Variants in STK32A observed in about 807,000 individuals in gnomAD.
STK32A encodes the protein serine/threonine kinase 32A, also known as serine/threonine-protein kinase 32A.
STK32A carries 41 observed loss-of-function variants against 53.2 expected under a neutral mutation model. The observed-to-expected ratio is 0.77, with a 90% CI of 0.60 to 1.00. The LOEUF (loss-of-function observed/expected upper bound fraction) is 1.00. Ranked by LOEUF, STK32A falls within the 50% of genes least tolerant of loss-of-function variation. The probability of loss-of-function intolerance (pLI) is 0.00; values close to 1 mark genes in which losing one functional copy is unlikely to be tolerated. For missense variants in STK32A, 458 were observed against 485.8 expected, an observed-to-expected ratio of 0.94 and a Z score of 0.54; for synonymous variants, 166 against 162.8, an observed-to-expected ratio of 1.02 and a Z score of -0.15.
At chr5:147,354,283 T>C (rs1382199670) in intron 7 of STK32A, among the ~76,000 whole-genome samples, 1 of 152,184 alleles carries the variant, frequency 6.6e-6, no homozygotes, top group African/African-American at 2.4e-5. Flanking sequence ...ATGAGTTTAT[T>C]CTCCAGGTTT....
intron 6 of STK32A, among the ~76,000 whole-genome samples, chr5:147,345,708 G>A (rs1177649015): frequency 6.6e-6 from 1 of 152,094 alleles, no homozygotes; most frequent in Non-Finnish European, 1.5e-5. Flanking sequence ...TATTCTTGGT[G>A]GAGCTGGGGC....
chr5:147,379,766 A>G (rs1448961080), intron 11 of STK32A, among the ~76,000 whole-genome samples: 1 of 152,066 alleles, frequency 6.6e-6, no homozygotes, highest in Non-Finnish European at 1.5e-5. Context: ...AACCCCTTCC[A>G]ATATTTCAGA....
At chr5:147,285,951 C>T (rs577498751) in intron 4 of STK32A, among the ~76,000 whole-genome samples, 1 of 152,164 alleles carries the variant, frequency 6.6e-6, no homozygotes, top group East Asian at 1.9e-4. Flanking sequence ...GGTATCTACT[C>T]AGAGGAAAAT....
chr5:147,383,971 T>G lies in STK32A; in HGVS notation c.1179T>G (p.Asn393Lys), dbSNP rs777812519. The G allele has an allele frequency of 6.2e-7, 1 of 1,604,564 alleles. No homozygotes were observed. The highest frequency in any genetic ancestry group is 8.5e-7 in the Non-Finnish European group (1 of 1,177,100). ...ACCCACAAGGTGAGGATGGTCAGAA[T>G]AACAACTTGTAAAGGCCTCATGTCT... ...TKDPQGEDGQ[N>K]NNL Residue 393 changes from asparagine (N) to lysine (K), a missense_variant, in exon 13 of 13, where the codon AAT becomes AAG. Coordinates refer to ENST00000397936, the MANE Select transcript of STK32A (RefSeq NM_001112724.2).
chr5:147,298,086 G>A (rs970746618), intron 4 of STK32A, among the ~76,000 whole-genome samples: 36 of 151,804 alleles, frequency 2.4e-4, no homozygotes, highest in African/African-American at 8.7e-4. Flanking sequence ...TATAATCTCT[G>A]TAGTATCATT....
chr5:147,277,449 C>T (rs1206231967), intron 2 of STK32A, among the ~76,000 whole-genome samples: 1 of 152,138 alleles, frequency 6.6e-6, no homozygotes, highest in Non-Finnish European at 1.5e-5. Context: ...GGAGGATCGA[C>T]TCTACTTCAA....
chr5:147,285,185 GA>G (rs1222366315), intron 4 of STK32A, among the ~76,000 whole-genome samples: 1 of 151,912 alleles, frequency 6.6e-6, no homozygotes, highest in African/African-American at 2.4e-5. Context: ...TAAAGCAAAT[GA>G]AAACATAAAG....
intron 4 of STK32A, among the ~76,000 whole-genome samples, chr5:147,294,535 C>G (rs1752771308): frequency 6.6e-6 from 1 of 152,080 alleles, no homozygotes; most frequent in Non-Finnish European, 1.5e-5. Context: ...TTCCTTTCTC[C>G]CTTATCATTT....
At chr5:147,285,141 T>A (rs1382508881) in intron 4 of STK32A, among the ~76,000 whole-genome samples, 11 of 152,018 alleles carry the variant, frequency 7.2e-5, no homozygotes, top group African/African-American at 2.4e-4. Context: ...AACACAGAAA[T>A]AAACTCAAAT....
intron 5 of STK32A, among the ~76,000 whole-genome samples, chr5:147,338,336 A>G (rs981403183): frequency 1.3e-5 from 2 of 152,016 alleles, no homozygotes; most frequent in Non-Finnish European, 2.9e-5. Context: ...CTTCTCCATC[A>G]CCTTCTGCCA....
intron 4 of STK32A, among the ~76,000 whole-genome samples, chr5:147,309,672 A>G (rs1245129052): frequency 6.6e-6 from 1 of 152,218 alleles, no homozygotes; most frequent in African/African-American, 2.4e-5. Flanking sequence ...TATATATGCA[A>G]TGTCACTTTT....
chr5:147,268,490 TG>T (rs34598587), intron 2 of STK32A, among the ~76,000 whole-genome samples: 1 of 152,180 alleles, frequency 6.6e-6, no homozygotes, highest in Non-Finnish European at 1.5e-5. Flanking sequence ...AGAAGGATAT[TG>T]GGGATGCCTG....
At chr5:147,299,173 G>GT (rs749591273) in intron 4 of STK32A, among the ~76,000 whole-genome samples, 17 of 152,216 alleles carry the variant, frequency 1.1e-4, no homozygotes, top group African/African-American at 2.4e-4. Context: ...CATTTTTATG[G>GT]TTTTTTTAAT....
At chr5:147,364,849 A>T (rs1421723511) in intron 8 of STK32A, among the ~76,000 whole-genome samples, 1 of 152,178 alleles carries the variant, frequency 6.6e-6, no homozygotes. Flanking sequence ...TAGGGATTAA[A>T]TTTAGAAATT....
At chr5:147,353,301 A>T (rs956916087) in intron 7 of STK32A, among the ~76,000 whole-genome samples, 1 of 152,234 alleles carries the variant, frequency 6.6e-6, no homozygotes, top group Non-Finnish European at 1.5e-5. Context: ...GAATAGTTTT[A>T]AAATTCACAG....
At chr5:147,354,360 G>C (rs1381573501) in intron 7 of STK32A, among the ~76,000 whole-genome samples, 1 of 152,176 alleles carries the variant, frequency 6.6e-6, no homozygotes, top group East Asian at 1.9e-4. Context: ...TGGGTTTCCA[G>C]GGTTGGTTTC....
intron 5 of STK32A, among the ~76,000 whole-genome samples, chr5:147,337,042 G>C (rs186458555): frequency 9.9e-5 from 15 of 152,258 alleles, no homozygotes; most frequent in Non-Finnish European, 1.8e-4. Flanking sequence ...CAGGGGAGGC[G>C]CAATGAAGGG....
intron 4 of STK32A, among the ~76,000 whole-genome samples, chr5:147,301,860 T>A (rs1753153941): frequency 6.6e-6 from 1 of 152,206 alleles, no homozygotes; most frequent in Admixed American, 6.5e-5. Flanking sequence ...TTATCTTTTC[T>A]AGCTTCTTGA....
intron 4 of STK32A, among the ~76,000 whole-genome samples, chr5:147,285,328 A>C (rs568476259): frequency 6.6e-6 from 1 of 152,298 alleles, no homozygotes; most frequent in Admixed American, 6.5e-5. Flanking sequence ...ACTTAAACCT[A>C]AGACCTGAAA....
Sources: allele counts gnomAD v4.1 joint callset (sites outside exome capture counted in the v4.1 genomes callset), GRCh38; gene constraint gnomAD v4.1.1; transcripts MANE v1.5; gene names NCBI Gene and HGNC (gene_info 2026-07-23, HGNC 2026-07-21).